GAD2: variants seen among roughly 807,000 people sequenced by gnomAD.
The protein encoded by GAD2 is glutamate decarboxylase 2, also known as 65 kDa glutamic acid decarboxylase.
GAD2 carries 22 observed loss-of-function variants against 80.1 expected under a neutral mutation model. The ratio of observed to expected loss-of-function variants is 0.27; its 90% CI spans 0.20 to 0.39. The LOEUF (loss-of-function observed/expected upper bound fraction) is 0.39, where lower values mean the gene tolerates loss of function less well. Among genes scored for constraint, GAD2 ranks in the 10% least tolerant of loss-of-function variants. GAD2 has a pLI of 1.00. For synonymous variants in GAD2, 274 were observed against 256.9 expected (o/e 1.07, Z -0.64); for missense variants, 624 against 738.4 (o/e 0.85, Z 1.80).
chr10:26,251,317 CATTT>C (rs370474390), intron 8 of GAD2, among the ~76,000 whole-genome samples: 73 of 152,212 alleles, frequency 4.8e-4, no homozygotes, highest in African/African-American at 1.8e-3. Context: ...CATTACAGTA[CATTT>C]AGAGAGCTGG....
chr10:26,232,529 C>T (rs1359883324), intron 7 of GAD2, among the ~76,000 whole-genome samples: 1 of 135,628 alleles, frequency 7.4e-6, no homozygotes, highest in Non-Finnish European at 1.5e-5. Context: ...GGCTGGAGTG[C>T]TGTGGCGTGA....
At chr10:26,295,521 C>CACACACACACAG (rs1362664540) in intron 15 of GAD2, among the ~76,000 whole-genome samples, 7 of 151,330 alleles carry the variant, frequency 4.6e-5, no homozygotes, top group African/African-American at 1.7e-4. Context: ...CACACACACA[C>CACACACACACAG]ACACACACAC....
At chr10:26,297,108 G>C (rs756091957) in intron 15 of GAD2, among the ~76,000 whole-genome samples, 1 of 152,114 alleles carries the variant, frequency 6.6e-6, no homozygotes, top group African/African-American at 2.4e-5. Flanking sequence ...TCAGGACAGG[G>C]TTGGGACGGG....
chr10:26,237,939 A>G (rs1015733765), intron 7 of GAD2, among the ~76,000 whole-genome samples: 2 of 151,616 alleles, frequency 1.3e-5, no homozygotes, highest in African/African-American at 4.9e-5. Flanking sequence ...CCCGGGAAGC[A>G]AAGGTTGCAG....
chr10:26,265,439 G>A (rs145520192), intron 8 of GAD2, among the ~76,000 whole-genome samples: 10,532 of 152,054 alleles, frequency 0.069, 450 homozygotes, highest in Non-Finnish European at 0.099. Context: ...TCTTGACCTC[G>A]TGATCCACCC....
chr10:26,257,909 G>A (rs1269738718), intron 8 of GAD2, among the ~76,000 whole-genome samples: 3 of 152,206 alleles, frequency 2.0e-5, no homozygotes, highest in African/African-American at 4.8e-5. Flanking sequence ...GCTGTTCAGC[G>A]CATTGTAGTG....
chr10:26,229,751 A>T lies in GAD2; in HGVS notation c.814A>T (p.Arg272Trp), dbSNP rs150392847. The change falls in exon 7 of 16, where the codon AGG becomes TGG. Residue 272 changes from arginine to tryptophan, a missense_variant. Arg to Trp is a moderately radical substitution (Grantham distance 101, BLOSUM62 -3). Transcript: ENST00000376261. ...VKEKGMAALP[R>W]LIAFTSEHSH... ...GGAGAAAGGAATGGCTGCTCTTCCC[A>T]GGCTCATTGCCTTCACGTCTGAACA... is the stretch of plus-strand genomic sequence containing the variant. 49 of 1,613,748 alleles carry T rather than the reference A, an allele frequency of 3.0e-5. No individual in the cohort carries two copies. In the Admixed American group the frequency reaches 3.8e-4, roughly 13 times the overall value.
chr10:26,244,998 C>A (rs1253807447), intron 7 of GAD2, among the ~76,000 whole-genome samples: 3 of 151,360 alleles, frequency 2.0e-5, no homozygotes, highest in Non-Finnish European at 4.4e-5. Flanking sequence ...CTAAAAATAC[C>A]AAAAACTAGC....
intron 13 of GAD2, among the ~76,000 whole-genome samples, chr10:26,287,692 G>A (rs984809793): frequency 1.2e-4 from 18 of 152,166 alleles, no homozygotes; most frequent in African/African-American, 4.3e-4. Flanking sequence ...GACAGTTTTT[G>A]TTATCTGGTA....
upstream of GAD2, chr10:26,216,604 C>T (rs1420880683): frequency 2.5e-5 from 11 of 437,630 alleles, no homozygotes; most frequent in Middle Eastern, 6.0e-4. This position sits in a 1 kb window ranked among gnomAD's most constrained non-coding sequence, Gnocchi z 4.7. Flanking sequence ...CGTCCCTAAA[C>T]CCTGTCTCCA....
At position 26,301,127 on chromosome 10, in the gene GAD2, C is replaced by G. The variant is rs1383526850; in HGVS notation, c.*166C>G. ...AAAAGACATTGCTCCTTTTAAAAGT[C>G]CTTTCTTAAGTTTAGAATACCTCTC... On this transcript the variant is annotated 3_prime_UTR_variant, in exon 16 of 16. Coordinates refer to ENST00000376261, the MANE Select transcript of GAD2 (RefSeq NM_001134366.2). 5 of 610,094 alleles carry G rather than the reference C, an allele frequency of 8.2e-6. No individual in the cohort carries two copies. Among genetic ancestry groups the G allele is most frequent in the African/African-American group, 5.5e-5 (3 of 54,116 alleles). 37.8% of individuals were successfully genotyped at this position (610,094 alleles called of 1,614,324 possible).
intron 7 of GAD2, among the ~76,000 whole-genome samples, chr10:26,235,107 CA>C (rs1365084511): frequency 6.6e-6 from 1 of 152,216 alleles, no homozygotes; most frequent in Non-Finnish European, 1.5e-5. Context: ...CTCCTGACCT[CA>C]GGTGATCCAC....
At position 26,273,649 on chromosome 10, in the gene GAD2, G is replaced by A. The variant is rs1564668235; in HGVS notation, c.1106G>A (p.Gly369Glu). The change falls in exon 11 of 16, where the codon GGG becomes GAG. Residue 369 changes from glycine (G) to glutamate (E), a missense_variant. Gly to Glu is a moderately conservative substitution (Grantham distance 98). Transcript: ENST00000376261. ...IWMHVDAAWG[G>E]GLLMSRKHKW... ...ATTTTTTTTCAGGCAGCTTGGGGTG[G>A]GGGATTACTGATGTCCCGAAAACAC... The A allele has an allele frequency of 6.2e-7, 1 of 1,613,362 alleles. No individual in the cohort carries two copies. Among genetic ancestry groups the A allele is most frequent in the Non-Finnish European group, 8.5e-7 (1 of 1,179,700 alleles).
chr10:26,255,600 G>GGAAA (rs58116757), intron 8 of GAD2, among the ~76,000 whole-genome samples: 54,508 of 140,902 alleles, frequency 0.39, 14,604 homozygotes, highest in African/African-American at 0.77. Flanking sequence ...AATTATGGAA[G>GGAAA]GAAAGAAGGA....
At chr10:26,248,090 A>G (rs927187626) in intron 8 of GAD2, among the ~76,000 whole-genome samples, 1 of 152,152 alleles carries the variant, frequency 6.6e-6, no homozygotes, top group African/African-American at 2.4e-5. Context: ...TGAGCAGCTC[A>G]TGCTTAAGAC....
intron 7 of GAD2, among the ~76,000 whole-genome samples, chr10:26,235,330 A>G (rs1344369740): frequency 1.3e-5 from 2 of 152,220 alleles, no homozygotes; most frequent in African/African-American, 4.8e-5. Context: ...GCATCCAACC[A>G]GAAATGTTCA....
chr10:26,230,671 G>T (rs8190640), intron 7 of GAD2, among the ~76,000 whole-genome samples: 2 of 152,088 alleles, frequency 1.3e-5, no homozygotes, highest in African/African-American at 4.8e-5. Flanking sequence ...CTGGCCTCAG[G>T]TGATCCTTCC....
chr10:26,247,895 C>CAAAAA, intron 8 of GAD2, among the ~76,000 whole-genome samples: 1 of 46,304 alleles, frequency 2.2e-5, no homozygotes, highest in Non-Finnish European at 4.6e-5. Context: ...GACTCCATCT[C>CAAAAA]AAAAAAAAAA....
chr10:26,273,396 C>A (rs1019007441), intron 10 of GAD2, among the ~76,000 whole-genome samples: 4 of 152,308 alleles, frequency 2.6e-5, no homozygotes, highest in South Asian at 4.1e-4. Context: ...CTTTCTCTCT[C>A]TTCTACGGAC....
Sources: allele counts gnomAD v4.1 joint callset (sites outside exome capture counted in the v4.1 genomes callset), GRCh38; gene constraint gnomAD v4.1.1; non-coding constraint Gnocchi (gnomAD v3.1); transcripts MANE v1.5; gene names NCBI Gene and HGNC (gene_info 2026-07-23, HGNC 2026-07-21).